Variants in EIF2B3 observed in about 807,000 individuals in gnomAD.
EIF2B3 encodes translation initiation factor eIF2B subunit gamma.
In EIF2B3, 20 loss-of-function variants were observed where a neutral mutation model predicts 54.1. The ratio of observed to expected loss-of-function variants is 0.37; its 90% CI spans 0.26 to 0.54. EIF2B3 has a LOEUF of 0.54. EIF2B3 is among the 20% of genes least tolerant of loss of function. EIF2B3 has a pLI of 0.86. For synonymous variants in EIF2B3, 153 were observed against 188.1 expected, an observed-to-expected ratio of 0.81 and a Z score of 1.52; for missense variants, 448 against 547.8, an observed-to-expected ratio of 0.82 and a Z score of 1.82.
chr1:44,927,179 T>G (rs969889316), intron 4 of EIF2B3, among the ~76,000 whole-genome samples: 3 of 151,726 alleles, frequency 2.0e-5, no homozygotes, highest in African/African-American at 7.3e-5. Flanking sequence ...GGAGCTATAA[T>G]AAGTGCGTTA....
intron 1 of EIF2B3, among the ~76,000 whole-genome samples, chr1:44,985,082 A>G (rs1644558390): frequency 6.6e-6 from 1 of 152,078 alleles, no homozygotes; most frequent in South Asian, 2.1e-4. Context: ...CTGGGATTAC[A>G]GGCGTGAGCC....
At chr1:44,925,933 AG>A (rs924346901) in intron 5 of EIF2B3, among the ~76,000 whole-genome samples, 5 of 151,442 alleles carry the variant, frequency 3.3e-5, no homozygotes, top group Non-Finnish European at 7.4e-5. Flanking sequence ...CCAAAAAAAA[AG>A]GCCACTTAGA....
At chr1:44,902,884 CT>C (rs1173423350) in intron 5 of EIF2B3, among the ~76,000 whole-genome samples, 1 of 145,428 alleles carries the variant, frequency 6.9e-6, no homozygotes, top group Non-Finnish European at 1.5e-5. Context: ...CGGCTGCCTG[CT>C]TTGGGCAGAT....
intron 1 of EIF2B3, among the ~76,000 whole-genome samples, chr1:44,982,442 G>C (rs1194297049): frequency 2.6e-5 from 4 of 152,080 alleles, no homozygotes; most frequent in African/African-American, 9.7e-5. Flanking sequence ...GGGATCACAG[G>C]CATGGGCCAC....
chr1:44,962,204 A>ATCATCATCATCAT (rs1553179559), intron 3 of EIF2B3, among the ~76,000 whole-genome samples: 5 of 146,334 alleles, frequency 3.4e-5, no homozygotes, highest in African/African-American at 1.3e-4. Context: ...ATCATCATCA[A>ATCATCATCATCAT]CATCATCATC....
At chr1:44,959,112 C>G in intron 3 of EIF2B3, 1 of 760,876 alleles carries the variant, frequency 1.3e-6, no homozygotes, top group South Asian at 1.5e-5. Flanking sequence ...TACGTAACAT[C>G]CCTATTGCTA....
chr1:44,910,704 C>T (rs926795502), intron 5 of EIF2B3, among the ~76,000 whole-genome samples: 5 of 124,696 alleles, frequency 4.0e-5, no homozygotes, highest in African/African-American at 1.5e-4. Context: ...TGGTCTGAAA[C>T]TTCTGGGCTC....
chr1:44,954,128 C>A (rs1262483564), intron 3 of EIF2B3, among the ~76,000 whole-genome samples: 2 of 152,090 alleles, frequency 1.3e-5, no homozygotes, highest in African/African-American at 4.8e-5. Context: ...TACAATAGTT[C>A]TTCATATCTA....
At chr1:44,979,023 T>C (rs1055022320) in intron 2 of EIF2B3, among the ~76,000 whole-genome samples, 2 of 151,870 alleles carry the variant, frequency 1.3e-5, no homozygotes, top group African/African-American at 4.8e-5. Context: ...CAGTGGCTCA[T>C]GCCTGTAAAT....
intron 6 of EIF2B3, among the ~76,000 whole-genome samples, chr1:44,896,609 T>C (rs1655981415): frequency 1.3e-5 from 2 of 152,202 alleles, no homozygotes; most frequent in South Asian, 4.1e-4. Flanking sequence ...TTTCCAAACT[T>C]ATCCAGCAGT....
chr1:44,978,202 G>T, intron 3 of EIF2B3, 113 bp downstream of exon 3: 2 of 1,256,762 alleles, frequency 1.6e-6, no homozygotes, highest in Non-Finnish European at 2.3e-6. Context: ...CTGCACTCCG[G>T]CCTAGGTGAC....
intron 4 of EIF2B3, among the ~76,000 whole-genome samples, chr1:44,940,183 C>T (rs1205256678): frequency 1.3e-5 from 2 of 152,096 alleles, no homozygotes; most frequent in Admixed American, 6.6e-5. Context: ...AGTATGAAGG[C>T]TCTCAGTGGC....
chr1:44,963,198 G>C (rs1173217631), intron 3 of EIF2B3, among the ~76,000 whole-genome samples: 3 of 151,468 alleles, frequency 2.0e-5, no homozygotes, highest in African/African-American at 7.3e-5. Context: ...CTGGGCAAGA[G>C]TGAGATCTGG....
chr1:44,942,744 A>C (rs891479880), intron 3 of EIF2B3, among the ~76,000 whole-genome samples: 1 of 151,756 alleles, frequency 6.6e-6, no homozygotes, highest in African/African-American at 2.4e-5. Context: ...CTAATATCTC[A>C]GATTAATTAT....
At chr1:44,973,397 C>T (rs1325783797) in intron 3 of EIF2B3, among the ~76,000 whole-genome samples, 1 of 152,114 alleles carries the variant, frequency 6.6e-6, no homozygotes, top group Non-Finnish European at 1.5e-5. Flanking sequence ...CAGTATGCTA[C>T]AATATGGATG....
intron 2 of EIF2B3, 121 bp from the exon 3 acceptor site, chr1:44,978,581 G>GCC: frequency 1.3e-6 from 1 of 776,292 alleles, no homozygotes; most frequent in Non-Finnish European, 1.9e-6. Context: ...ATATTATTGT[G>GCC]CCTTTTCAAT....
chr1:44,953,652 G>A (rs1644193220), intron 3 of EIF2B3, among the ~76,000 whole-genome samples: 1 of 152,138 alleles, frequency 6.6e-6, no homozygotes, highest in South Asian at 2.1e-4. Context: ...ATTTAGCCAG[G>A]TGTGGTGGTG....
In EIF2B3 at chr1:44,881,490, G is replaced by A. The variant is rs1397334231; in HGVS notation, c.784+122C>T. 1.0e-5 allele frequency: 14 copies of A among 1,371,474 alleles called. No individual in the cohort carries two copies. Among genetic ancestry groups the A allele is most frequent in the Admixed American group, 5.1e-5 (3 of 58,828 alleles). The allele number at this position is 1,371,474 out of a possible 1,614,324, so 85.0% of individuals were successfully genotyped here. On this transcript the variant is annotated intron_variant, in intron 7 of 11. Transcript: ENST00000360403. The surrounding 1 kb of genome is among the most constrained non-coding windows in gnomAD (Gnocchi z 4.0). ...TGGGTTGGCAAGCCTGTCTTGCCTC[G>A]TAGGCTAGAAATAGTCTGCTGCCTT...
At chr1:44,960,398 G>GA (rs1644271599) in intron 3 of EIF2B3, among the ~76,000 whole-genome samples, 1 of 152,118 alleles carries the variant, frequency 6.6e-6, no homozygotes, top group Non-Finnish European at 1.5e-5. Context: ...CCAGCACTTT[G>GA]GGAGGCCGAG....
Sources: allele counts gnomAD v4.1 joint callset (sites outside exome capture counted in the v4.1 genomes callset), GRCh38; gene constraint gnomAD v4.1.1; non-coding constraint Gnocchi (gnomAD v3.1); transcripts MANE v1.5; gene names NCBI Gene and HGNC (gene_info 2026-07-23, HGNC 2026-07-21).